The following PCDHGA2 variants were observed in gnomAD, a reference collection of about 807,000 sequenced individuals.
PCDHGA2 encodes the protein protocadherin gamma-A2.
Under a neutral mutation model 59.2 loss-of-function variants are expected in PCDHGA2, and 40 were observed. The observed-to-expected ratio is 0.68, with a 90% CI of 0.52 to 0.88. The LOEUF (loss-of-function observed/expected upper bound fraction) is 0.88, where lower values mean the gene tolerates loss of function less well. Among genes scored for constraint, PCDHGA2 ranks in the 40% least tolerant of loss-of-function variants. PCDHGA2 has a pLI of 0.00. For missense variants in PCDHGA2, 1,226 were observed against 1,204.0 expected (o/e 1.02, Z -0.27); for synonymous variants, 560 against 526.0 (o/e 1.06, Z -0.89).
chr5:141,370,805 C>A, intron 1 of PCDHGA2: 2 of 1,614,026 alleles, frequency 1.2e-6, no homozygotes, highest in Non-Finnish European at 1.7e-6. Context: ...GCCAAAATAT[C>A]ACTGAGCTGG....
chr5:141,411,924 C>G lies in PCDHGA2; in HGVS notation c.2424+70529C>G, dbSNP rs116336964. ...TTGCCTTTGCACTCAGTCTCTGTCTCTGATTCTCTGATAGAAGATTTTTGA... is the reference window on the plus strand; with the variant it reads ...TTGCCTTTGCACTCAGTCTCTGTCTGTGATTCTCTGATAGAAGATTTTTGA... On this transcript the variant is annotated intron_variant, in intron 1 of 3. Coordinates refer to ENST00000394576, the MANE Select transcript of PCDHGA2 (RefSeq NM_018915.4). The G allele has an allele frequency of 5.8e-4, 88 of 152,306 alleles. 1 individual carries two copies. Among genetic ancestry groups the G allele is most frequent in the African/African-American group, 2.0e-3 (83 of 41,556 alleles). 9.4% of individuals were successfully genotyped at this position (152,306 alleles called of 1,614,324 possible). A position where few individuals can be genotyped will look rare whatever the true frequency, so the allele number is the denominator to read the frequency against.
At chr5:141,362,765 G>A (rs982398782) in intron 1 of PCDHGA2, 1 of 620,542 alleles carries the variant, frequency 1.6e-6, no homozygotes, top group South Asian at 2.2e-5. Context: ...TATCACATGA[G>A]ATATTGCACT....
At chr5:141,388,387 A>G (rs746929136) in intron 1 of PCDHGA2, 5 of 1,614,034 alleles carry the variant, frequency 3.1e-6, no homozygotes, top group South Asian at 2.2e-5. Flanking sequence ...AACACACTGC[A>G]GAATTACCAA....
At chr5:141,452,412 T>G (rs1009940351) in intron 1 of PCDHGA2, among the ~76,000 whole-genome samples, 2 of 152,222 alleles carry the variant, frequency 1.3e-5, no homozygotes, top group Non-Finnish European at 2.9e-5. Context: ...GTGTGAGGTA[T>G]GCTCACTGCT....
chr5:141,472,769 T>C (rs2154571402), intron 1 of PCDHGA2, among the ~76,000 whole-genome samples: 1 of 151,816 alleles, frequency 6.6e-6, no homozygotes, highest in South Asian at 2.1e-4. Context: ...GCAGATCACC[T>C]GAGGTTGGGA....
chr5:141,382,519 T>G lies in PCDHGA2; in HGVS notation c.2424+41124T>G, dbSNP rs147736839. On this transcript the variant is annotated intron_variant, in intron 1 of 3. Transcript: ENST00000394576. ...CATGAACACTGTTGCATTAATTCAG[T>G]GTCTTAAAATGGATTTTTAATTATC... 7.0e-4 allele frequency among the ~76,000 whole-genome samples: 107 copies of G among 152,314 alleles called. No homozygotes were observed. In the Middle Eastern group the frequency reaches 0.01, roughly 15 times the overall value.
rs35224477 is a variant in PCDHGA2, at chr5:141,464,263, TA to T, written c.2425-30530del. On this transcript the variant is annotated intron_variant, in intron 1 of 3. Coordinates refer to ENST00000394576, the MANE Select transcript of PCDHGA2 (RefSeq NM_018915.4). ...CTGGGCTACAGAGCGAGACTCCGTC[TA>T]AAAAAAAAAAAAAGCAAAAAAAAAA... Among the ~76,000 whole-genome samples, 390 of 103,506 alleles carry T rather than the reference TA, an allele frequency of 3.8e-3. 1 individual carries two copies. Among genetic ancestry groups the T allele is most frequent in the Admixed American group, 4.7e-3 (45 of 9,486 alleles). 67.9% of individuals were successfully genotyped at this position (103,506 alleles called of 152,430 possible). A position where few individuals can be genotyped will look rare whatever the true frequency, so the allele number is the denominator to read the frequency against.
Position 141,410,173 on chromosome 5 carries a change from C to G in PCDHGA2, c.2424+68778C>G, listed in dbSNP as rs544938164. ...GTGGACAGCCGCCACTCTCTGCCACCGCCACGCTTCATCTGGTCTTCGCAG... is the reference window on the plus strand; with the variant it reads ...GTGGACAGCCGCCACTCTCTGCCACGGCCACGCTTCATCTGGTCTTCGCAG... On this transcript the variant is annotated intron_variant, in intron 1 of 3. Coordinates refer to ENST00000394576, the MANE Select transcript of PCDHGA2 (RefSeq NM_018915.4). The G allele has an allele frequency of 6.2e-6, 10 of 1,613,842 alleles. No individual in the cohort carries two copies. The African/African-American group carries it at 9.3e-5, about 15-fold the overall frequency.
intron 1 of PCDHGA2, chr5:141,366,049 G>C (rs542025009): frequency 1.2e-6 from 2 of 1,614,126 alleles, no homozygotes; most frequent in Non-Finnish European, 1.7e-6. Flanking sequence ...ACGGTTCCAC[G>C]GGCGTGGAGC....
Position 141,486,563 on chromosome 5 carries a change from G to T in PCDHGA2, c.2425-8244G>T, listed in dbSNP as rs558244990. Reference sequence around the variant, plus strand: ...CTTTCAGAGGTCACATGAGGTGTTTGTTCCTGAGAACAATCGCCCAGGGGA... The same window carrying T: ...CTTTCAGAGGTCACATGAGGTGTTTTTTCCTGAGAACAATCGCCCAGGGGA... On this transcript the variant is annotated intron_variant, in intron 1 of 3. Transcript: ENST00000394576. The surrounding 1 kb of genome is among the most constrained non-coding windows in gnomAD (Gnocchi z 5.0). The T allele has an allele frequency of 4.3e-6, 7 of 1,614,006 alleles. No individual in the cohort carries two copies. The highest frequency in any genetic ancestry group is 4.0e-5 in the African/African-American group (3 of 75,054).
chr5:141,343,322 T>TG, intron 1 of PCDHGA2: 1 of 979,650 alleles, frequency 1.0e-6, no homozygotes, highest in Non-Finnish European at 1.2e-6. Flanking sequence ...TGTGTGTTTC[T>TG]TTTCTTTTTT....
At chr5:141,376,753 C>A in intron 1 of PCDHGA2, 1 of 450,078 alleles carries the variant, frequency 2.2e-6, no homozygotes, top group South Asian at 2.7e-5. Flanking sequence ...GTGGCGCAAT[C>A]TCGGCTCACT....
At chr5:141,345,589 C>T in intron 1 of PCDHGA2, 1 of 1,614,208 alleles carries the variant, frequency 6.2e-7, no homozygotes, top group Non-Finnish European at 8.5e-7. Context: ...GCGCTGAGAT[C>T]CTTCGACTAC....
chr5:141,399,997 A>G, intron 1 of PCDHGA2: 1 of 1,612,344 alleles, frequency 6.2e-7, no homozygotes, highest in Non-Finnish European at 8.5e-7. Context: ...AGAGGTGCGC[A>G]CAGCGCGTGC....
rs149649459 is a variant in PCDHGA2, at chr5:141,505,183, G to A, written c.2484-210G>A. ...TCTAAAACAAAAAGAAAAAAGCATC[G>A]GAGGCAGCAAAGAGCTGGTTTGAGG... On this transcript the variant is annotated intron_variant, in intron 2 of 3. Transcript: ENST00000394576. Among the ~76,000 whole-genome samples, 214 of 152,244 alleles carry A rather than the reference G, an allele frequency of 1.4e-3. 1 individual carries two copies. Among genetic ancestry groups the A allele is most frequent in the African/African-American group, 4.8e-3 (200 of 41,530 alleles).
intron 1 of PCDHGA2, among the ~76,000 whole-genome samples, chr5:141,429,880 G>A (rs1209368869): frequency 6.6e-6 from 1 of 152,104 alleles, no homozygotes; most frequent in Non-Finnish European, 1.5e-5. Context: ...CTTTTACTAA[G>A]TTTCCTGAAC....
At chr5:141,461,592 A>G (rs777372149) in intron 1 of PCDHGA2, among the ~76,000 whole-genome samples, 4 of 152,148 alleles carry the variant, frequency 2.6e-5, no homozygotes, top group African/African-American at 2.4e-5. Flanking sequence ...TTATATTTCC[A>G]TTATAATTTA....
chr5:141,423,897 T>G, intron 1 of PCDHGA2: 7 of 1,278,866 alleles, frequency 5.5e-6, no homozygotes, highest in Non-Finnish European at 6.9e-6. Flanking sequence ...TTTCTTTTGA[T>G]TTCAAAGGGG....
chr5:141,350,877 G>T (rs749871543), intron 1 of PCDHGA2: 1 of 1,614,022 alleles, frequency 6.2e-7, no homozygotes, highest in Non-Finnish European at 8.5e-7. Context: ...AGCTCTCATC[G>T]CTTAATCCTG....
Sources: gnomAD v4.1 joint callset for allele counts (sites outside exome capture counted in the v4.1 genomes callset) on GRCh38, gnomAD v4.1.1 for gene constraint, Gnocchi (gnomAD v3.1) non-coding constraint, MANE v1.5 for transcripts, NCBI Gene and HGNC (gene_info 2026-07-23, HGNC 2026-07-21) for gene names.